ANKFN1: variants seen among roughly 807,000 people sequenced by gnomAD.
The protein encoded by ANKFN1 is ankyrin repeat and fibronectin type III domain containing 1, also known as ankyrin repeat and fibronectin type-III domain-containing protein 1.
ANKFN1 carries 74 observed loss-of-function variants against 108.7 expected under a neutral mutation model. That is an observed-to-expected ratio of 0.68 (90% CI 0.56 to 0.83). The LOEUF is 0.83. Ranked by LOEUF, ANKFN1 falls within the 40% of genes least tolerant of loss-of-function variation. The pLI, the probability that ANKFN1 is intolerant of heterozygous loss-of-function variation, is 0.00. For missense variants in ANKFN1, 1,505 were observed against 1,382.3 expected (o/e 1.09, Z -1.41); for synonymous variants, 547 against 516.2 (o/e 1.06, Z -0.81).
At chr17:56,151,228 A>T (rs1316348222), upstream of ANKFN1, among the ~76,000 whole-genome samples, 1 of 152,240 alleles carries the variant, frequency 6.6e-6, no homozygotes, top group Non-Finnish European at 1.5e-5. Context: ...TGTTTTCATC[A>T]TGAAGGTGCA....
At chr17:56,505,014 A>G (rs2051507438) in intron 20 of ANKFN1, among the ~76,000 whole-genome samples, 1 of 152,014 alleles carries the variant, frequency 6.6e-6, no homozygotes, top group Admixed American at 6.6e-5. Context: ...TCCTCATAGT[A>G]CTTATTCATA....
At chr17:56,274,615 C>T (rs1362831805) in intron 3 of ANKFN1, among the ~76,000 whole-genome samples, 1 of 152,180 alleles carries the variant, frequency 6.6e-6, no homozygotes, top group Admixed American at 6.5e-5. Flanking sequence ...GATTGAAACA[C>T]GGGCTCCCAT....
chr17:56,218,891 C>G (rs1012803609), intron 2 of ANKFN1, among the ~76,000 whole-genome samples: 4 of 152,142 alleles, frequency 2.6e-5, no homozygotes, highest in Non-Finnish European at 4.4e-5. Flanking sequence ...TTCTGCAAAC[C>G]TATTATCATC....
intron 15 of ANKFN1, among the ~76,000 whole-genome samples, chr17:56,476,522 A>G (rs1364220882): frequency 6.6e-6 from 1 of 152,232 alleles, no homozygotes; most frequent in East Asian, 1.9e-4. Context: ...TGCAAATTCA[A>G]TGAAAATCCA....
At chr17:56,369,613 A>G (rs1477047181) in intron 6 of ANKFN1, among the ~76,000 whole-genome samples, 1 of 152,216 alleles carries the variant, frequency 6.6e-6, no homozygotes, top group East Asian at 1.9e-4. Flanking sequence ...TGATTATCTC[A>G]TTCTGAACAG....
chr17:56,170,332 G>A (rs867835946), intron 1 of ANKFN1, among the ~76,000 whole-genome samples: 4 of 152,060 alleles, frequency 2.6e-5, no homozygotes, highest in African/African-American at 7.2e-5. Context: ...ATGCAAATAC[G>A]GGAGTACGTA....
intron 18 of ANKFN1, among the ~76,000 whole-genome samples, chr17:56,490,312 A>G (rs185988383): frequency 2.5e-3 from 383 of 152,324 alleles, no homozygotes; most frequent in Middle Eastern, 6.8e-3. Flanking sequence ...TTTGCTGAGG[A>G]GAAAACATTT....
intron 20 of ANKFN1, among the ~76,000 whole-genome samples, chr17:56,499,363 A>G (rs1345229943): frequency 6.6e-6 from 1 of 152,192 alleles, no homozygotes; most frequent in Non-Finnish European, 1.5e-5. Context: ...GCAAAAGGAT[A>G]TAAAACAGGG....
chr17:56,336,007 T>G (rs1003855462), intron 4 of ANKFN1, among the ~76,000 whole-genome samples: 2 of 152,252 alleles, frequency 1.3e-5, no homozygotes, highest in Admixed American at 6.5e-5. Context: ...GTTTATGTAA[T>G]GGATTACGTT....
At chr17:56,104,589 T>A (rs1336894977) in intron 4 of ANKFN1, among the ~76,000 whole-genome samples, 1 of 152,158 alleles carries the variant, frequency 6.6e-6, no homozygotes, top group Non-Finnish European at 1.5e-5. Context: ...TGGCTGGAGG[T>A]GCCCAGAGCT....
intron 3 of ANKFN1, among the ~76,000 whole-genome samples, chr17:56,278,780 A>G (rs1361367112): frequency 6.6e-6 from 1 of 152,252 alleles, no homozygotes; most frequent in South Asian, 2.1e-4. Flanking sequence ...AATCAAAAAC[A>G]AAGCCTAACA....
intron 3 of ANKFN1, among the ~76,000 whole-genome samples, chr17:56,241,986 C>T (rs772397155): frequency 1.6e-4 from 24 of 151,922 alleles, no homozygotes; most frequent in African/African-American, 4.8e-4. Context: ...ACTTCATCAC[C>T]GTACTCAGAA....
At chr17:56,186,355 T>C (rs1352317414) in intron 1 of ANKFN1, among the ~76,000 whole-genome samples, 1 of 96,298 alleles carries the variant, frequency 1.0e-5, no homozygotes. Context: ...TATAAAGCCC[T>C]TTCACTTATA....
intron 3 of ANKFN1, among the ~76,000 whole-genome samples, chr17:56,305,877 A>T (rs781559080): frequency 6.6e-6 from 1 of 152,096 alleles, no homozygotes; most frequent in Admixed American, 6.6e-5. Flanking sequence ...TTGCCTCTGG[A>T]TGTTCACTTG....
At chr17:56,152,857 CTCAGCCCTTAAAGTGCAGGCCAAAT>C (rs1908744521), upstream of ANKFN1, among the ~76,000 whole-genome samples, 1 of 152,232 alleles carries the variant, frequency 6.6e-6, no homozygotes, top group Admixed American at 6.5e-5. Context: ...AAAGGCCAGC[CTCAGCCCTTAAAGTGCAGGCCAAAT>C]AAAAACTTGC....
intron 1 of ANKFN1, among the ~76,000 whole-genome samples, chr17:56,154,174 A>C (rs973464801): frequency 1.3e-5 from 2 of 152,262 alleles, no homozygotes; most frequent in Admixed American, 1.3e-4. Context: ...GAAGACCTCA[A>C]ATGTGCCTTT....
chr17:56,173,513 C>T (rs761351130), intron 1 of ANKFN1, among the ~76,000 whole-genome samples: 10 of 152,160 alleles, frequency 6.6e-5, no homozygotes, highest in Non-Finnish European at 1.2e-4. Context: ...CTCTCTCCCA[C>T]AAGAATAGAA....
At chr17:56,453,107 G>A (rs1026977255) in intron 11 of ANKFN1, among the ~76,000 whole-genome samples, 1 of 151,652 alleles carries the variant, frequency 6.6e-6, no homozygotes, top group Non-Finnish European at 1.5e-5. Flanking sequence ...AATTATTTTA[G>A]TATTTTCCCC....
chr17:56,400,376 T>C (rs956447511), intron 8 of ANKFN1, among the ~76,000 whole-genome samples: 3 of 152,152 alleles, frequency 2.0e-5, no homozygotes, highest in Non-Finnish European at 4.4e-5. Flanking sequence ...TGGCCATTTG[T>C]ATATCATCTT....
Sources: allele counts gnomAD v4.1 joint callset (sites outside exome capture counted in the v4.1 genomes callset), GRCh38; gene constraint gnomAD v4.1.1; transcripts MANE v1.5; gene names NCBI Gene and HGNC (gene_info 2026-07-23, HGNC 2026-07-21).